Variants in MTA3 observed in about 807,000 individuals in gnomAD.
MTA3 encodes the protein metastasis-associated protein MTA3.
MTA3 carries 34 observed loss-of-function variants against 83.5 expected under a neutral mutation model. That is an observed-to-expected ratio of 0.41 (90% CI 0.31 to 0.54). The LOEUF is 0.54. Among genes scored for constraint, MTA3 ranks in the 20% least tolerant of loss-of-function variants. MTA3 has a pLI of 0.33. For synonymous variants in MTA3, 303 were observed against 252.7 expected (o/e 1.20, Z -1.89); for missense variants, 761 against 726.4 (o/e 1.05, Z -0.55).
chr2:42,535,042 C>G (rs1278461344), intron 2 of MTA3, among the ~76,000 whole-genome samples: 1 of 152,010 alleles, frequency 6.6e-6, no homozygotes, highest in Non-Finnish European at 1.5e-5. Flanking sequence ...GGCTTGTTAT[C>G]TATTAGAATC....
intron 2 of MTA3, among the ~76,000 whole-genome samples, chr2:42,530,977 G>A (rs781539943): frequency 2.6e-5 from 4 of 151,986 alleles, no homozygotes; most frequent in Admixed American, 6.6e-5. Flanking sequence ...CCACAGGTGC[G>A]CGACACCACA....
intron 8 of MTA3, among the ~76,000 whole-genome samples, chr2:42,679,837 G>GTT (rs71410125): frequency 2.3e-4 from 32 of 139,558 alleles, no homozygotes; most frequent in African/African-American, 7.5e-4. Context: ...ATGGCTGTGT[G>GTT]TTGTTTTTTT....
chr2:42,541,469 G>C (rs984889483), intron 2 of MTA3, among the ~76,000 whole-genome samples: 2 of 152,210 alleles, frequency 1.3e-5, no homozygotes, highest in Non-Finnish European at 2.9e-5. Flanking sequence ...ACAGTGTACT[G>C]TTCTCAATAC....
chr2:42,737,776 A>G (rs1458617598), intron 16 of MTA3, among the ~76,000 whole-genome samples: 1 of 152,242 alleles, frequency 6.6e-6, no homozygotes, highest in African/African-American at 2.4e-5. Context: ...GCTAGAAAGT[A>G]GCAGAGATGG....
chr2:42,625,671 C>T (rs549477977), intron 4 of MTA3, among the ~76,000 whole-genome samples: 4 of 145,482 alleles, frequency 2.7e-5, no homozygotes, highest in African/African-American at 5.2e-5. Context: ...GTCGTGAACC[C>T]GGGAGGCGGA....
Position 42,707,938 on chromosome 2 carries a change from C to T in MTA3, c.1186C>T (p.Pro396Ser), listed in dbSNP as rs1236876223. ...TCACCAGTGGTATTCTTGGGGCCCACCTAATATGCAGTGTAGATTATGTGC... is the reference window on the plus strand; with the variant it reads ...TCACCAGTGGTATTCTTGGGGCCCATCTAATATGCAGTGTAGATTATGTGC... The part of the protein sequence containing the change: ...QSHQWYSWGP[P>S]NMQCRLCAIC... Residue 396 changes from proline to serine, a missense_variant, in exon 13 of 17, where the codon CCT (proline) becomes TCT (serine). Coordinates refer to ENST00000405094, the MANE Select transcript of MTA3 (RefSeq NM_001330442.2). 2 of 1,607,234 alleles carry T rather than the reference C, an allele frequency of 1.2e-6. No homozygotes were observed. The highest frequency in any genetic ancestry group is 1.1e-5 in the South Asian group (1 of 89,382).
chr2:42,704,401 C>A (rs952230408), intron 12 of MTA3, 83 bp downstream of exon 12: 1 of 1,524,098 alleles, frequency 6.6e-7, no homozygotes, highest in East Asian at 2.3e-5. Context: ...TGCCTGAGGT[C>A]AGTACGGTGC....
chr2:42,645,409 C>T (rs951756383), intron 6 of MTA3, among the ~76,000 whole-genome samples: 1 of 152,048 alleles, frequency 6.6e-6, no homozygotes, highest in Non-Finnish European at 1.5e-5. Flanking sequence ...CCTGTATTCC[C>T]AACTACTCGG....
rs1290668170 is a variant in MTA3 at position 42,594,724 on chromosome 2, A to ATT, written c.191-14733_191-14732insTT. ...AATATACATATATATATATATATAT[A>ATT]TATATTTTTTTTTTTTTTTTGAGAC... is the stretch of plus-strand genomic sequence containing the variant. On this transcript the variant is annotated intron_variant, in intron 3 of 16. Transcript: ENST00000405094. Among the ~76,000 whole-genome samples the ATT allele has an allele frequency of 3.1e-3, 97 of 31,240 alleles. 1 individual carries two copies. The highest frequency in any genetic ancestry group is 0.024 in the African/African-American group (90 of 3,722). The allele number at this position is 31,240 out of a possible 152,430, so 20.5% of individuals were successfully genotyped here.
intron 16 of MTA3, among the ~76,000 whole-genome samples, chr2:42,742,698 G>C (rs752872655): frequency 2.6e-5 from 4 of 152,138 alleles, no homozygotes; most frequent in Admixed American, 6.5e-5. Context: ...TATTTATCAA[G>C]TGTTAAGATT....
rs568580804 is a variant in MTA3 at position 42,590,662 on chromosome 2, C to T, written c.190+11462C>T. The stretch of plus-strand genomic sequence containing the variant: ...GGTGGAGTCTCGCTCGCTCTGTCAC[C>T]CAGGCTGGAGTGCAATGGTGCGATC... On this transcript the variant is annotated intron_variant, in intron 3 of 16. Coordinates refer to ENST00000405094, the MANE Select transcript of MTA3 (RefSeq NM_001330442.2). 6.8e-4 allele frequency among the ~76,000 whole-genome samples: 101 copies of T among 149,096 alleles called. 1 individual carries two copies. The highest frequency in any genetic ancestry group is 2.4e-3 in the African/African-American group (97 of 40,270).
chr2:42,548,861 T>TAATATATATATA (rs1275750860), intron 2 of MTA3, among the ~76,000 whole-genome samples: 1 of 7,482 alleles, frequency 1.3e-4, no homozygotes, highest in African/African-American at 8.8e-4. Flanking sequence ...ATATATATAA[T>TAATATATATATA]ATATATATAT....
At chr2:42,706,484 A>C (rs1291296181) in intron 12 of MTA3, among the ~76,000 whole-genome samples, 3 of 152,224 alleles carry the variant, frequency 2.0e-5, no homozygotes, top group Admixed American at 1.3e-4. Context: ...ATAAACATGA[A>C]TATAATGGTC....
At chr2:42,684,763 G>C (rs981513104) in intron 9 of MTA3, among the ~76,000 whole-genome samples, 1 of 152,186 alleles carries the variant, frequency 6.6e-6, no homozygotes, top group Non-Finnish European at 1.5e-5. Flanking sequence ...ACCTCATTCT[G>C]TGCTCTGGTG....
At chr2:42,677,848 A>G (rs1298724455) in intron 8 of MTA3, among the ~76,000 whole-genome samples, 1 of 152,226 alleles carries the variant, frequency 6.6e-6, no homozygotes, top group Non-Finnish European at 1.5e-5. Flanking sequence ...GTGAAAACAG[A>G]CTAATACAGT....
Position 42,683,801 on chromosome 2 carries a change from G to A in MTA3, c.891+1212G>A, listed in dbSNP as rs575981712. Among the ~76,000 whole-genome samples the A allele has an allele frequency of 1.1e-3, 165 of 152,222 alleles. 1 individual carries two copies. Among genetic ancestry groups the A allele is most frequent in the African/African-American group, 3.7e-3 (155 of 41,540 alleles). ...GGGGCAGTGGGAGTAATGGGGAGTG[G>A]CTGTAAATACAGATGAAGCTTCGCT... On this transcript the variant is annotated intron_variant, in intron 9 of 16. Transcript: ENST00000405094.
chr2:42,537,356 G>T (rs993421813), intron 2 of MTA3, among the ~76,000 whole-genome samples: 1 of 152,076 alleles, frequency 6.6e-6, no homozygotes, highest in Non-Finnish European at 1.5e-5. Flanking sequence ...CTGAGGTCAG[G>T]GGTTCGAGAC....
chr2:42,754,299 G>C lies in MTA3; in HGVS notation c.*900G>C. ...GACCTAGTTTCATTTTAAGCAGACA[G>C]ACTCTGTTTGGCCTAGAGGTGTGGA... On this transcript the variant is annotated 3_prime_UTR_variant, in exon 17 of 17. Transcript: ENST00000405094. 1 of 985,462 alleles carries C rather than the reference G, an allele frequency of 1.0e-6. No individual in the cohort carries two copies. Among genetic ancestry groups the C allele is most frequent in the Non-Finnish European group, 1.2e-6 (1 of 829,956 alleles). The allele number at this position is 985,462 out of a possible 1,614,324, so 61.0% of individuals were successfully genotyped here. A position where few individuals can be genotyped will look rare whatever the true frequency, so the allele number is the denominator to read the frequency against.
At chr2:42,642,284 G>T (rs926955394) in intron 5 of MTA3, among the ~76,000 whole-genome samples, 4 of 151,976 alleles carry the variant, frequency 2.6e-5, no homozygotes, top group Admixed American at 2.6e-4. Flanking sequence ...TGTAGAGTAT[G>T]GCAAGCTCCT....
Sources: allele counts gnomAD v4.1 joint callset (sites outside exome capture counted in the v4.1 genomes callset), GRCh38; gene constraint gnomAD v4.1.1; transcripts MANE v1.5; gene names NCBI Gene and HGNC (gene_info 2026-07-23, HGNC 2026-07-21).